PRRG1: variants seen among roughly 807,000 people sequenced by gnomAD.
PRRG1 encodes the protein transmembrane gamma-carboxyglutamic acid protein 1.
A neutral mutation model predicts 11.8 loss-of-function variants in PRRG1; 5 were observed. The ratio of observed to expected loss-of-function variants is 0.42; its 90% confidence interval spans 0.22 to 0.89. The LOEUF is 0.89. PRRG1 is among the 40% of genes least tolerant of loss of function. The pLI is 0.28. For missense variants in PRRG1, 155 were observed against 166.1 expected (o/e 0.93, Z 0.37); for synonymous variants, 66 against 60.4 (o/e 1.09, Z -0.43).
intron 2 of PRRG1, among the ~76,000 whole-genome samples, chrX:37,421,960 T>C (rs1932671545): frequency 8.9e-6 from 1 of 112,002 alleles, no homozygotes; most frequent in Non-Finnish European, 1.9e-5. Context: ...GCTGAATCCA[T>C]GTAGAGTTCT....
chrX:37,455,437 C>G lies in PRRG1; in HGVS notation c.*1816C>G, dbSNP rs1921316467. On this transcript the variant is annotated 3_prime_UTR_variant, in exon 4 of 4. Coordinates refer to ENST00000378628, the MANE Select transcript of PRRG1 (RefSeq NM_001142395.2). ...TTCCTAAATTGTATGAGAGCTTTCACACAGTGAGAAATAGAGCAGGCTGCC... is the reference window on the plus strand; with the variant it reads ...TTCCTAAATTGTATGAGAGCTTTCAGACAGTGAGAAATAGAGCAGGCTGCC... 8.9e-6 allele frequency: 1 copy of G among 112,111 alleles called. No individual in the cohort carries two copies. Among genetic ancestry groups the G allele is most frequent in the Non-Finnish European group, 1.9e-5 (1 of 53,278 alleles). The allele number at this position is 112,111 out of a possible 1,213,427, so 9.2% of individuals were successfully genotyped here. A position where few individuals can be genotyped will look rare whatever the true frequency, so the allele number is the denominator to read the frequency against.
rs1458949221 is a variant in PRRG1, at chrX:37,455,566, C to T, written c.*1945C>T. 3 of 111,968 alleles carry T rather than the reference C, an allele frequency of 2.7e-5. No homozygotes were observed. Among genetic ancestry groups the T allele is most frequent in the Non-Finnish European group, 5.6e-5 (3 of 53,225 alleles). The allele number at this position is 111,968 out of a possible 1,213,427, so 9.2% of individuals were successfully genotyped here. A position where few individuals can be genotyped will look rare whatever the true frequency, so the allele number is the denominator to read the frequency against. Reference sequence around the variant, plus strand: ...ACTGTGCCAACTGAAAGATGATAGTCCACACAGCACAAACAGGTTTAAGCA... The same window carrying T: ...ACTGTGCCAACTGAAAGATGATAGTTCACACAGCACAAACAGGTTTAAGCA... On this transcript the variant is annotated 3_prime_UTR_variant, in exon 4 of 4. Transcript: ENST00000378628.
chrX:37,359,001 A>G (rs1442257265), intron 1 of PRRG1, among the ~76,000 whole-genome samples: 3 of 112,084 alleles, frequency 2.7e-5, no homozygotes. Context: ...ATTATCACTT[A>G]TTAGTTCCAG....
chrX:37,396,757 T>C (rs782744540), intron 1 of PRRG1, among the ~76,000 whole-genome samples: 1 of 111,549 alleles, frequency 9.0e-6, no homozygotes, highest in Non-Finnish European at 1.9e-5. Context: ...AAGCAGATAA[T>C]TTGTCTCTCG....
chrX:37,354,179 G>A (rs1486449173), intron 1 of PRRG1, among the ~76,000 whole-genome samples: 1 of 110,798 alleles, frequency 9.0e-6, no homozygotes, highest in Non-Finnish European at 1.9e-5. Flanking sequence ...TGATGTCTAG[G>A]ATAGAGTCTA....
intron 1 of PRRG1, among the ~76,000 whole-genome samples, chrX:37,375,677 C>G (rs1049179043): frequency 2.7e-5 from 3 of 111,174 alleles, no homozygotes; most frequent in African/African-American, 9.8e-5. Flanking sequence ...TACTCAGGAA[C>G]CACTATAGTT....
chrX:37,438,430 C>CTTT (rs782783420), intron 3 of PRRG1, among the ~76,000 whole-genome samples: 19 of 68,993 alleles, frequency 2.8e-4, no homozygotes, highest in African/African-American at 4.6e-4. Flanking sequence ...GAATTTTTTC[C>CTTT]TTTTTTTTTT....
At chrX:37,362,302 G>A (rs2146924802) in intron 1 of PRRG1, among the ~76,000 whole-genome samples, 1 of 111,054 alleles carries the variant, frequency 9.0e-6, no homozygotes, top group Non-Finnish European at 1.9e-5. Flanking sequence ...TGTTAACACG[G>A]TTTATATACT....
At position 37,455,090 on chromosome X, in the gene PRRG1, T is replaced by C. The variant is rs1921299843; in HGVS notation, c.*1469T>C. ...TGCTTCCAGCTCCATCCCTACAGAC[T>C]CCTCCCCGAGTCCTGCCCTGGAACC... On this transcript the variant is annotated 3_prime_UTR_variant, in exon 4 of 4. Coordinates refer to ENST00000378628, the MANE Select transcript of PRRG1 (RefSeq NM_001142395.2). 1.8e-5 allele frequency: 2 copies of C among 110,925 alleles called. No homozygotes were observed. The highest frequency in any genetic ancestry group is 6.6e-5 in the African/African-American group (2 of 30,474). The allele number at this position is 110,925 out of a possible 1,213,427, so 9.1% of individuals were successfully genotyped here. A position where few individuals can be genotyped will look rare whatever the true frequency, so the allele number is the denominator to read the frequency against.
intron 3 of PRRG1, among the ~76,000 whole-genome samples, chrX:37,446,105 A>G (rs1490858833): frequency 8.9e-6 from 1 of 112,572 alleles, no homozygotes. Flanking sequence ...TAATTTCCCT[A>G]TCAAACACAA....
At chrX:37,378,297 A>G (rs181241925) in intron 1 of PRRG1, among the ~76,000 whole-genome samples, 2 of 111,851 alleles carry the variant, frequency 1.8e-5, no homozygotes, top group Non-Finnish European at 1.9e-5. Flanking sequence ...AAGGTGTTAT[A>G]TTTTCAAAGG....
intron 1 of PRRG1, among the ~76,000 whole-genome samples, chrX:37,398,658 C>T (rs936189267): frequency 1.1e-4 from 12 of 112,200 alleles, no homozygotes; most frequent in Admixed American, 2.8e-4. Flanking sequence ...TGAGAGAAGA[C>T]GGCTTCAGAC....
chrX:37,377,567 A>G (rs1931014759), intron 1 of PRRG1, among the ~76,000 whole-genome samples: 1 of 111,938 alleles, frequency 8.9e-6, no homozygotes, highest in Admixed American at 9.5e-5. Flanking sequence ...GTTAATGCAC[A>G]TGTAAGAGAT....
chrX:37,416,446 A>G (rs1476176279), intron 2 of PRRG1, among the ~76,000 whole-genome samples: 1 of 112,207 alleles, frequency 8.9e-6, no homozygotes, highest in Non-Finnish European at 1.9e-5. Context: ...AGCTATTACC[A>G]TAGTCTTCTA....
intron 1 of PRRG1, among the ~76,000 whole-genome samples, chrX:37,377,533 T>C (rs1301019287): frequency 8.9e-6 from 1 of 112,087 alleles, no homozygotes; most frequent in Non-Finnish European, 1.9e-5. Flanking sequence ...GAAAGACTTT[T>C]GACTTTTAGC....
intron 1 of PRRG1, among the ~76,000 whole-genome samples, chrX:37,394,426 G>A (rs4144013): frequency 0.12 from 12,989 of 111,030 alleles, 596 homozygotes; most frequent in South Asian, 0.17. Flanking sequence ...TGGGGTCTGG[G>A]GAAGAGCAAG....
intron 3 of PRRG1, among the ~76,000 whole-genome samples, chrX:37,451,838 G>A (rs1454598903): frequency 8.9e-6 from 1 of 111,987 alleles, no homozygotes; most frequent in African/African-American, 3.2e-5. Context: ...CAGCTTTAGT[G>A]GCCATAGTAT....
chrX:37,408,523 G>C (rs998067855), intron 2 of PRRG1, among the ~76,000 whole-genome samples: 1 of 111,741 alleles, frequency 8.9e-6, no homozygotes, highest in Non-Finnish European at 1.9e-5. Context: ...CCAGGAACAT[G>C]TTGGGGCAAG....
intron 2 of PRRG1, among the ~76,000 whole-genome samples, chrX:37,416,958 T>A (rs1040072363): frequency 5.4e-5 from 6 of 111,869 alleles, no homozygotes; most frequent in African/African-American, 2.0e-4. Flanking sequence ...GAATGTATTC[T>A]CTGAAATTTG....
Sources: gnomAD v4.1 joint callset for allele counts (sites outside exome capture counted in the v4.1 genomes callset) on GRCh38, gnomAD v4.1.1 for gene constraint, MANE v1.5 for transcripts, NCBI Gene and HGNC (gene_info 2026-07-23, HGNC 2026-07-21) for gene names.